LMBRD1: variants seen among roughly 807,000 people sequenced by gnomAD.
LMBRD1 encodes the protein lysosomal cobalamin transport escort protein LMBD1.
Under a neutral mutation model 74.8 loss-of-function variants are expected in LMBRD1, and 64 were observed. The ratio of observed to expected loss-of-function variants is 0.86; its 90% CI spans 0.70 to 1.05. LMBRD1 has a LOEUF of 1.05. LMBRD1 is among the 50% of genes least tolerant of loss of function. The probability of loss-of-function intolerance (pLI) is 0.00; values close to 1 mark genes in which losing one functional copy is unlikely to be tolerated. For synonymous variants in LMBRD1, 204 were observed against 216.3 expected (o/e 0.94, Z 0.50); for missense variants, 652 against 645.9 (o/e 1.01, Z -0.10).
chr6:69,750,143 C>T (rs528176540), intron 4 of LMBRD1, among the ~76,000 whole-genome samples: 44 of 148,198 alleles, frequency 3.0e-4, no homozygotes, highest in Admixed American at 1.2e-3. Context: ...AATATATGTG[C>T]ATATATACTT....
At chr6:69,750,080 A>G (rs576819749) in intron 4 of LMBRD1, among the ~76,000 whole-genome samples, 1 of 115,194 alleles carries the variant, frequency 8.7e-6, no homozygotes, top group Non-Finnish European at 1.5e-5. Context: ...AAGTATATAT[A>G]CACATATACA....
intron 15 of LMBRD1, 52 bp from the exon 16 acceptor site, chr6:69,676,323 A>C (rs772886518): frequency 6.3e-7 from 1 of 1,592,476 alleles, no homozygotes; most frequent in Non-Finnish European, 8.6e-7. Context: ...AATCATCTGG[A>C]AAGTAATGCT....
intron 9 of LMBRD1, chr6:69,706,126 C>G (rs542710210): frequency 9.3e-5 from 54 of 578,256 alleles, no homozygotes; most frequent in African/African-American, 9.1e-4. Context: ...CCAGGGCCTC[C>G]GGGGGTTTAT....
At position 69,701,875 on chromosome 6, in the gene LMBRD1, T is replaced by C. The variant is rs899200280; in HGVS notation, c.980+14A>G. ...TTGTATAAGTGCTTTAGAAAATGTG[T>C]CTACTGTACTTACTTTGACAAGAAG... On this transcript the variant is annotated intron_variant, in intron 10 of 15. Transcript: ENST00000649934. The C allele has an allele frequency of 1.2e-5, 18 of 1,510,606 alleles. No homozygotes were observed. The highest frequency in any genetic ancestry group is 1.7e-5 in the Non-Finnish European group (18 of 1,087,082). 93.6% of individuals were successfully genotyped at this position (1,510,606 alleles called of 1,614,324 possible).
At chr6:69,703,854 T>C (rs925552045) in intron 9 of LMBRD1, among the ~76,000 whole-genome samples, 16 of 152,162 alleles carry the variant, frequency 1.1e-4, no homozygotes, top group African/African-American at 3.6e-4. Flanking sequence ...TACCTTATCA[T>C]TCTCTTTTGA....
chr6:69,745,042 G>T (rs1767189121), intron 5 of LMBRD1, among the ~76,000 whole-genome samples: 1 of 151,446 alleles, frequency 6.6e-6, no homozygotes, highest in Admixed American at 6.6e-5. Context: ...CACCATGTTG[G>T]CCAGCATGGT....
At chr6:69,739,403 C>T (rs1023446357) in intron 6 of LMBRD1, among the ~76,000 whole-genome samples, 1 of 151,948 alleles carries the variant, frequency 6.6e-6, no homozygotes, top group Admixed American at 6.5e-5. Context: ...TATGATCTGG[C>T]TGCATATATC....
chr6:69,731,562 A>G (rs1397497771), intron 7 of LMBRD1, among the ~76,000 whole-genome samples: 1 of 152,110 alleles, frequency 6.6e-6, no homozygotes, highest in African/African-American at 2.4e-5. Flanking sequence ...ACAGTAGTCA[A>G]TAAATTACAT....
At chr6:69,795,501 TAA>T (rs1766200259) in intron 1 of LMBRD1, among the ~76,000 whole-genome samples, 1 of 152,236 alleles carries the variant, frequency 6.6e-6, no homozygotes, top group African/African-American at 2.4e-5. Context: ...TTCTGTACCG[TAA>T]ATGTTTATTA....
At chr6:69,757,609 A>G (rs1446203436) in intron 3 of LMBRD1, among the ~76,000 whole-genome samples, 1 of 152,222 alleles carries the variant, frequency 6.6e-6, no homozygotes, top group African/African-American at 2.4e-5. Flanking sequence ...AACATTTATC[A>G]TATGATCAGT....
chr6:69,714,808 A>G (rs1217073047), intron 8 of LMBRD1, among the ~76,000 whole-genome samples: 1 of 152,122 alleles, frequency 6.6e-6, no homozygotes, highest in Non-Finnish European at 1.5e-5. Flanking sequence ...CGGCATCACT[A>G]TGATCTTCTG....
chr6:69,734,999 AAAAC>A (rs1323312374), intron 7 of LMBRD1, among the ~76,000 whole-genome samples: 1 of 152,248 alleles, frequency 6.6e-6, no homozygotes, highest in African/African-American at 2.4e-5. Flanking sequence ...TTCAAAAACA[AAAAC>A]AAAGAAACAA....
At chr6:69,735,691 A>G (rs1432493686) in intron 7 of LMBRD1, among the ~76,000 whole-genome samples, 2 of 152,082 alleles carry the variant, frequency 1.3e-5, no homozygotes, top group East Asian at 3.8e-4. Context: ...CCCACTCGCT[A>G]CCCTCATAGC....
intron 5 of LMBRD1, among the ~76,000 whole-genome samples, chr6:69,745,601 C>T (rs1197586298): frequency 6.6e-6 from 1 of 152,168 alleles, no homozygotes; most frequent in African/African-American, 2.4e-5. Flanking sequence ...AGTCTACTTA[C>T]CTGGCTAATG....
rs1242008984 is a variant in LMBRD1 at position 69,706,130 on chromosome 6, G to C, written c.916-4177C>G. 3 of 565,324 alleles carry C rather than the reference G, an allele frequency of 5.3e-6. No homozygotes were observed. The Admixed American group carries it at 6.7e-5, about 13-fold the overall frequency. 35.0% of individuals were successfully genotyped at this position (565,324 alleles called of 1,614,324 possible). On this transcript the variant is annotated intron_variant, in intron 9 of 15. Coordinates refer to ENST00000649934, the MANE Select transcript of LMBRD1 (RefSeq NM_018368.4). ...AATAGATAGTTCCAGGGCCTCCGGG[G>C]GTTTATGTCCATGTCCATCAAATCT...
At chr6:69,772,948 C>T (rs1159107164) in intron 3 of LMBRD1, among the ~76,000 whole-genome samples, 2 of 152,168 alleles carry the variant, frequency 1.3e-5, no homozygotes, top group Non-Finnish European at 2.9e-5. Context: ...CTATTTAGCA[C>T]TAATCACATG....
chr6:69,693,684 G>A (rs1765935396), intron 14 of LMBRD1, among the ~76,000 whole-genome samples: 1 of 151,800 alleles, frequency 6.6e-6, no homozygotes, highest in South Asian at 2.1e-4. Flanking sequence ...GAAATATGTT[G>A]TAAAGAATAG....
chr6:69,708,819 T>C (rs1478534343), intron 9 of LMBRD1, among the ~76,000 whole-genome samples: 1 of 152,182 alleles, frequency 6.6e-6, no homozygotes, highest in Non-Finnish European at 1.5e-5. Flanking sequence ...AGAAATTTAA[T>C]GTCAGGAACT....
At chr6:69,725,597 T>G (rs1766714988) in intron 7 of LMBRD1, among the ~76,000 whole-genome samples, 1 of 152,092 alleles carries the variant, frequency 6.6e-6, no homozygotes, top group Non-Finnish European at 1.5e-5. Flanking sequence ...TATGGTAAAC[T>G]CATTCTTGAC....
Sources: gnomAD v4.1 joint callset for allele counts (sites outside exome capture counted in the v4.1 genomes callset) on GRCh38, gnomAD v4.1.1 for gene constraint, MANE v1.5 for transcripts, NCBI Gene and HGNC (gene_info 2026-07-23, HGNC 2026-07-21) for gene names.